The following ATXN10 variants were observed in gnomAD, a reference collection of about 807,000 sequenced individuals.
The protein encoded by ATXN10 is ataxin-10.
In ATXN10, 28 loss-of-function variants were observed where a neutral mutation model predicts 52.9. The observed-to-expected ratio is 0.53, with a 90% CI of 0.39 to 0.73. The LOEUF (loss-of-function observed/expected upper bound fraction) is 0.73, where lower values mean the gene tolerates loss of function less well. Among genes scored for constraint, ATXN10 ranks in the 30% least tolerant of loss-of-function variants. The probability of loss-of-function intolerance (pLI) is 0.00; values close to 1 mark genes in which losing one functional copy is unlikely to be tolerated. For missense variants in ATXN10, 565 were observed against 577.0 expected (o/e 0.98, Z 0.21); for synonymous variants, 226 against 221.5 (o/e 1.02, Z -0.18).
intron 6 of ATXN10, among the ~76,000 whole-genome samples, chr22:45,724,174 G>GT (rs199546365): frequency 0.028 from 4,277 of 152,134 alleles, 95 homozygotes; most frequent in Non-Finnish European, 0.039. Flanking sequence ...TTTCCTTTGG[G>GT]TAGATACCCA....
chr22:45,764,782 C>T (rs984466056), intron 9 of ATXN10, among the ~76,000 whole-genome samples: 1 of 152,210 alleles, frequency 6.6e-6, no homozygotes, highest in Admixed American at 6.5e-5. Context: ...TGGAAATTCA[C>T]AGGCGCTTCT....
At chr22:45,738,492 A>T in intron 7 of ATXN10, 1 of 481,478 alleles carries the variant, frequency 2.1e-6, no homozygotes, top group East Asian at 3.7e-5. Context: ...AAGAAGACAC[A>T]TAATGACACA....
chr22:45,689,686 T>C, intron 1 of ATXN10, 26 bp from the exon 2 acceptor site: 1 of 1,601,870 alleles, frequency 6.2e-7, no homozygotes, highest in East Asian at 2.2e-5. Flanking sequence ...TTTTTTCTGA[T>C]TCGTGATAAT....
chr22:45,752,107 T>A (rs1259996246), intron 9 of ATXN10, among the ~76,000 whole-genome samples: 1 of 152,194 alleles, frequency 6.6e-6, no homozygotes, highest in East Asian at 1.9e-4. Context: ...CAGTTAAAGT[T>A]GGGAATATTT....
chr22:45,793,569 G>T, intron 9 of ATXN10: 4 of 1,289,670 alleles, frequency 3.1e-6, no homozygotes, highest in South Asian at 3.5e-5. Context: ...TGTGACAAAT[G>T]ACTAGAATTC....
chr22:45,831,385 T>G (rs136025), intron 10 of ATXN10, among the ~76,000 whole-genome samples: 1 of 150,784 alleles, frequency 6.6e-6, no homozygotes, highest in Admixed American at 6.6e-5. Flanking sequence ...AAAAAAAAAA[T>G]TTTGGAGAAA....
In ATXN10 at chr22:45,722,338, A is replaced by G. The variant is rs8135142; in HGVS notation, c.728+3845A>G. On this transcript the variant is annotated intron_variant, in intron 6 of 11. Coordinates refer to ENST00000252934, the MANE Select transcript of ATXN10 (RefSeq NM_013236.4). Reference sequence around the variant, plus strand: ...TAGGGAGACCCGTATACCAGACTAAAGAGCTTTTAGACTCATTCCTTAACA... The same window carrying G: ...TAGGGAGACCCGTATACCAGACTAAGGAGCTTTTAGACTCATTCCTTAACA... 2.2e-4 allele frequency among the ~76,000 whole-genome samples: 33 copies of G among 152,338 alleles called. 1 individual carries two copies. The South Asian group carries it at 3.1e-3, about 14-fold the overall frequency.
chr22:45,834,739 G>A (rs1929108966), intron 10 of ATXN10, among the ~76,000 whole-genome samples: 1 of 152,100 alleles, frequency 6.6e-6, no homozygotes, highest in African/African-American at 2.4e-5. Context: ...AGGAGTCTGA[G>A]CACATGGTGA....
In ATXN10 at chr22:45,841,990, CTTGT is replaced by C. The variant is rs1929359157; in HGVS notation, c.1238-996_1238-993del. 6.6e-6 allele frequency among the ~76,000 whole-genome samples: 1 copy of C among 152,170 alleles called. No homozygotes were observed. The highest frequency in any genetic ancestry group is 2.4e-5 in the African/African-American group (1 of 41,448). Reference sequence around the variant, plus strand: ...ATCTGATAATCATCAGGGGACAGGACTTGTTTGTCTTGCTGCCTTTATCTGCTCG... The same window carrying C: ...ATCTGATAATCATCAGGGGACAGGACTTGTCTTGCTGCCTTTATCTGCTCG... On this transcript the variant is annotated intron_variant, in intron 10 of 11. Transcript: ENST00000252934. The surrounding 1 kb of genome is among the most constrained non-coding windows in gnomAD (Gnocchi z 5.1).
At chr22:45,673,886 C>T (rs1056017098) in intron 1 of ATXN10, 1 of 152,120 alleles carries the variant, frequency 6.6e-6, no homozygotes, top group Non-Finnish European at 1.5e-5. Flanking sequence ...TAAGGTTTCT[C>T]GTACAGAAGA....
chr22:45,835,969 A>G lies in ATXN10; in HGVS notation c.1238-7022A>G, dbSNP rs1929153484. ...CATAACAGGCTACGAAACATAGAAC[A>G]GTACATACAGCATTGCATGGAAACC... On this transcript the variant is annotated intron_variant, in intron 10 of 11. Coordinates refer to ENST00000252934, the MANE Select transcript of ATXN10 (RefSeq NM_013236.4). The surrounding 1 kb of genome is among the most constrained non-coding windows in gnomAD (Gnocchi z 5.0). 6.6e-6 allele frequency among the ~76,000 whole-genome samples: 1 copy of G among 152,252 alleles called. No individual in the cohort carries two copies. The highest frequency in any genetic ancestry group is 1.5e-5 in the Non-Finnish European group (1 of 68,044).
chr22:45,726,873 T>A (rs1924892132), intron 6 of ATXN10, among the ~76,000 whole-genome samples: 1 of 152,174 alleles, frequency 6.6e-6, no homozygotes, highest in East Asian at 1.9e-4. Context: ...GTAGAGACAG[T>A]ATTTCACCGT....
intron 9 of ATXN10, among the ~76,000 whole-genome samples, chr22:45,756,507 G>A (rs912357529): frequency 2.0e-5 from 3 of 152,154 alleles, no homozygotes; most frequent in African/African-American, 7.2e-5. Context: ...TTTCCAAAAA[G>A]ATATATTTAT....
In ATXN10 at chr22:45,772,764, G is replaced by A. The variant is rs78476361; in HGVS notation, c.1173+32226G>A. Among the ~76,000 whole-genome samples the A allele has an allele frequency of 0.097, 14,800 of 152,142 alleles. 926 individuals carry two copies. Among genetic ancestry groups the A allele is most frequent in the Middle Eastern group, 0.16 (46 of 292 alleles). On this transcript the variant is annotated intron_variant, in intron 9 of 11. Coordinates refer to ENST00000252934, the MANE Select transcript of ATXN10 (RefSeq NM_013236.4). This position sits in a 1 kb window ranked among gnomAD's most constrained non-coding sequence, Gnocchi z 4.1. ...CTCATTTTCAGCATGTAGATCCTGT[G>A]TATGCTTTGTTAGATTTATTTTTAG...
chr22:45,811,303 C>T (rs1928271185), intron 10 of ATXN10, among the ~76,000 whole-genome samples: 1 of 152,136 alleles, frequency 6.6e-6, no homozygotes, highest in Non-Finnish European at 1.5e-5. Flanking sequence ...GCTATCCTAG[C>T]TTGCTTTGGA....
rs1463902668 is a variant in ATXN10 at position 45,840,397 on chromosome 22, G to A, written c.1238-2594G>A. On this transcript the variant is annotated intron_variant, in intron 10 of 11. Coordinates refer to ENST00000252934, the MANE Select transcript of ATXN10 (RefSeq NM_013236.4). The surrounding 1 kb of genome is among the most constrained non-coding windows in gnomAD (Gnocchi z 5.8). ...CACCTAATCTAAGCAGGTGCCGAGG[G>A]GTAGCTAAGACAGGGAAGGCTTCCG... 1.3e-5 allele frequency among the ~76,000 whole-genome samples: 2 copies of A among 152,088 alleles called. No homozygotes were observed. The highest frequency in any genetic ancestry group is 2.9e-5 in the Non-Finnish European group (2 of 68,008).
At chr22:45,803,462 A>G (rs957931192) in intron 9 of ATXN10, among the ~76,000 whole-genome samples, 3 of 152,142 alleles carry the variant, frequency 2.0e-5, no homozygotes, top group Non-Finnish European at 4.4e-5. Flanking sequence ...GCCCCATGCT[A>G]TATGTTCTTC....
At chr22:45,807,249 T>C (rs566677597) in intron 10 of ATXN10, 1 of 626,860 alleles carries the variant, frequency 1.6e-6, no homozygotes, top group African/African-American at 1.8e-5. Context: ...ACATTCCAAA[T>C]GAGCATGTGG....
intron 6 of ATXN10, among the ~76,000 whole-genome samples, chr22:45,719,141 C>G (rs1380193600): frequency 1.3e-5 from 2 of 151,592 alleles, no homozygotes; most frequent in Non-Finnish European, 2.9e-5. Flanking sequence ...AAATAATTTG[C>G]AGTACACTTC....
Sources: gnomAD v4.1 joint callset for allele counts (sites outside exome capture counted in the v4.1 genomes callset) on GRCh38, gnomAD v4.1.1 for gene constraint, Gnocchi (gnomAD v3.1) non-coding constraint, MANE v1.5 for transcripts, NCBI Gene and HGNC (gene_info 2026-07-23, HGNC 2026-07-21) for gene names.